Variants in ZZZ3 observed in about 807,000 individuals in gnomAD.
ZZZ3 encodes zinc finger ZZ-type containing 3.
In ZZZ3, 22 loss-of-function variants were observed where a neutral mutation model predicts 95.2. The observed-to-expected ratio is 0.23, with a 90% CI of 0.17 to 0.33. ZZZ3 has a LOEUF of 0.33. Ranked by LOEUF, ZZZ3 falls within the 10% of genes least tolerant of loss-of-function variation. The pLI is 1.00. For synonymous variants in ZZZ3, 335 were observed against 358.9 expected (o/e 0.93, Z 0.75); for missense variants, 885 against 1,066.5 (o/e 0.83, Z 2.37).
intron 1 of ZZZ3, among the ~76,000 whole-genome samples, chr1:77,673,376 C>T (rs1401833396): frequency 6.6e-6 from 1 of 152,062 alleles, no homozygotes; most frequent in East Asian, 1.9e-4. Flanking sequence ...GAGGGCAGAT[C>T]ACCTGAGGTC....
chr1:77,653,975 T>G (rs1670038539), intron 1 of ZZZ3, among the ~76,000 whole-genome samples: 1 of 151,790 alleles, frequency 6.6e-6, no homozygotes, highest in Non-Finnish European at 1.5e-5. Flanking sequence ...GATCAAGAGG[T>G]CAGGAGGTCA....
chr1:77,670,569 C>A (rs1247541912), intron 1 of ZZZ3, among the ~76,000 whole-genome samples: 1 of 151,998 alleles, frequency 6.6e-6, no homozygotes, highest in African/African-American at 2.4e-5. Flanking sequence ...GCCTAGCATG[C>A]AAATTTTTAC....
intron 1 of ZZZ3, among the ~76,000 whole-genome samples, chr1:77,648,802 C>T (rs903645418): frequency 1.4e-4 from 21 of 152,122 alleles, no homozygotes; most frequent in African/African-American, 5.1e-4. Context: ...CCCAAACTTT[C>T]TAAATATGAT....
intron 1 of ZZZ3, among the ~76,000 whole-genome samples, chr1:77,648,556 T>C (rs2100948783): frequency 6.6e-6 from 1 of 152,256 alleles, no homozygotes; most frequent in Non-Finnish European, 1.5e-5. Flanking sequence ...TAATGTGAAT[T>C]GATTCTTCTA....
chr1:77,626,321 T>C (rs757203934), intron 5 of ZZZ3, among the ~76,000 whole-genome samples: 2 of 152,200 alleles, frequency 1.3e-5, no homozygotes, highest in Non-Finnish European at 2.9e-5. Context: ...CTGTGTACTT[T>C]ATTTCTATTA....
At chr1:77,579,399 C>T (rs1379572634) in intron 10 of ZZZ3, 128 bp downstream of exon 10, 1 of 603,230 alleles carries the variant, frequency 1.7e-6, no homozygotes, top group African/African-American at 1.9e-5. Flanking sequence ...TTTAAAAAAA[C>T]ACCACATACT....
chr1:77,678,073 A>G (rs1312908733), intron 1 of ZZZ3, among the ~76,000 whole-genome samples: 1 of 152,138 alleles, frequency 6.6e-6, no homozygotes, highest in African/African-American at 2.4e-5. Flanking sequence ...AAAACCTGGC[A>G]CCTTAGGACA....
At chr1:77,568,282 A>G in intron 13 of ZZZ3, 50 bp downstream of exon 13, 1 of 1,408,418 alleles carries the variant, frequency 7.1e-7, no homozygotes, top group East Asian at 2.6e-5. Context: ...CTGTCTCTAA[A>G]TAAATAAATA....
chr1:77,609,147 T>C (rs1306388308), intron 5 of ZZZ3, among the ~76,000 whole-genome samples: 1 of 151,896 alleles, frequency 6.6e-6, no homozygotes, highest in Non-Finnish European at 1.5e-5. Flanking sequence ...AGAAACACAC[T>C]TCACCTATAA....
At chr1:77,572,919 T>A (rs749672841) in intron 12 of ZZZ3, among the ~76,000 whole-genome samples, 35 of 152,116 alleles carry the variant, frequency 2.3e-4, no homozygotes, top group South Asian at 6.2e-4. Context: ...GTACTAGGAT[T>A]ACAGCTGTGA....
chr1:77,630,094 TA>T (rs1285201260), intron 5 of ZZZ3, among the ~76,000 whole-genome samples: 3 of 152,214 alleles, frequency 2.0e-5, no homozygotes, highest in Non-Finnish European at 4.4e-5. Flanking sequence ...TATCATTTTA[TA>T]AAAATTCACA....
Position 77,568,442 on chromosome 1 carries a change from A to G in ZZZ3, c.2356T>C (p.Tyr786His), listed in dbSNP as rs756412327. 1.5e-5 allele frequency: 20 copies of G among 1,325,342 alleles called. No individual in the cohort carries two copies. In the African/African-American group the frequency reaches 2.1e-4, roughly 14 times the overall value. 82.1% of individuals were successfully genotyped at this position (1,325,342 alleles called of 1,614,324 possible). ...TCTTTATATTCAGGTAAATTCCTAT[A>G]CATGATAGGAATACTTTCGTCATCC... is the stretch of plus-strand genomic sequence containing the variant. ...ASDDESIPIM[Y>H]RNLPEYKELL... The change falls in exon 13 of 15, where the codon TAT (tyrosine) becomes CAT (histidine). Residue 786 changes from tyrosine to histidine, a missense_variant. Tyr to His is a moderately conservative substitution (Grantham distance 83, BLOSUM62 2). Transcript: ENST00000370801.
chr1:77,580,936 G>T lies in ZZZ3; in HGVS notation c.1980+62C>A. On this transcript the variant is annotated intron_variant, in intron 9 of 14. Transcript: ENST00000370801. ...CCACTGGACCTGGCCTCATAATACTGACTCTGATGTTAACTGTTTACTTGT... is the reference window on the plus strand; with the variant it reads ...CCACTGGACCTGGCCTCATAATACTTACTCTGATGTTAACTGTTTACTTGT... 2.1e-6 allele frequency: 3 copies of T among 1,414,742 alleles called. No homozygotes were observed. The South Asian group carries it at 3.5e-5, about 16-fold the overall frequency. The allele number at this position is 1,414,742 out of a possible 1,614,324, so 87.6% of individuals were successfully genotyped here.
chr1:77,676,513 G>A (rs1672284377), intron 1 of ZZZ3, among the ~76,000 whole-genome samples: 1 of 152,102 alleles, frequency 6.6e-6, no homozygotes, highest in Admixed American at 6.5e-5. Context: ...TCAAAAAGGG[G>A]GAAATTTTCA....
At chr1:77,662,341 G>C (rs373133350) in intron 1 of ZZZ3, among the ~76,000 whole-genome samples, 1 of 151,536 alleles carries the variant, frequency 6.6e-6, no homozygotes. Flanking sequence ...ACAAGTTCTC[G>C]CTATGTTGCC....
intron 1 of ZZZ3, among the ~76,000 whole-genome samples, chr1:77,682,086 T>G (rs1333156093): frequency 2.6e-5 from 4 of 152,120 alleles, no homozygotes; most frequent in African/African-American, 9.7e-5. Flanking sequence ...ACCACAGGTG[T>G]TGTCAGAGAC....
At chr1:77,675,934 C>G (rs1309386170) in intron 1 of ZZZ3, among the ~76,000 whole-genome samples, 1 of 152,128 alleles carries the variant, frequency 6.6e-6, no homozygotes, top group Non-Finnish European at 1.5e-5. Flanking sequence ...GTAAATGTAT[C>G]ATATTGCTAT....
At chr1:77,678,061 C>G (rs1672426422) in intron 1 of ZZZ3, among the ~76,000 whole-genome samples, 1 of 152,108 alleles carries the variant, frequency 6.6e-6, no homozygotes, top group South Asian at 2.1e-4. Flanking sequence ...AAACTCACTA[C>G]AAAAACCTGG....
intron 4 of ZZZ3, among the ~76,000 whole-genome samples, chr1:77,634,989 G>A (rs1379728960): frequency 6.6e-6 from 1 of 152,080 alleles, no homozygotes; most frequent in Non-Finnish European, 1.5e-5. Context: ...CCTGCCTTTG[G>A]TCATCAACAG....
Sources: gnomAD v4.1 joint callset for allele counts (sites outside exome capture counted in the v4.1 genomes callset) on GRCh38, gnomAD v4.1.1 for gene constraint, MANE v1.5 for transcripts, NCBI Gene and HGNC (gene_info 2026-07-23, HGNC 2026-07-21) for gene names.